The following MYO15A variants were observed in gnomAD, a reference collection of about 807,000 sequenced individuals.
MYO15A encodes myosin XVA.
Under a neutral mutation model 394.6 loss-of-function variants are expected in MYO15A, and 308 were observed. That is an observed-to-expected ratio of 0.78 (90% confidence interval 0.71 to 0.86). The LOEUF (loss-of-function observed/expected upper bound fraction) is 0.86. Among genes scored for constraint, MYO15A ranks in the 40% least tolerant of loss-of-function variants. The pLI is 0.00. For missense variants in MYO15A, 4,606 were observed against 4,799.1 expected (o/e 0.96, Z 1.19); for synonymous variants, 1,957 against 2,003.8 (o/e 0.98, Z 0.62).
Position 18,173,764 on chromosome 17 carries a change from TCTC to T in MYO15A, c.10351-11_10351-9del. The stretch of plus-strand genomic sequence containing the variant: ...CTCGCCCACAGGCCTGTCCGGCCCC[TCTC>T]CTCCTACTCCCAGGAATTGATGGTG... On this transcript the variant is annotated splice_polypyrimidine_tract_variant and intron_variant, in intron 64 of 65. Transcript: ENST00000647165. The T allele has an allele frequency of 6.2e-7, 1 of 1,613,726 alleles. No individual in the cohort carries two copies. The highest frequency in any genetic ancestry group is 1.7e-5 in the Admixed American group (1 of 60,034).
rs191283776 is a variant in MYO15A, at chr17:18,111,967, T to C, written c.-220+3143T>C. 2.5e-3 allele frequency among the ~76,000 whole-genome samples: 374 copies of C among 152,332 alleles called. 3 individuals carry two copies. Among genetic ancestry groups the C allele is most frequent in the African/African-American group, 8.6e-3 (359 of 41,588 alleles). On this transcript the variant is annotated intron_variant, in intron 1 of 65. Coordinates refer to ENST00000647165, the MANE Select transcript of MYO15A (RefSeq NM_016239.4). ...CTGAGCCACTGGGCTCCACGTCCCC[T>C]GGGCTAGAGCTGGGCTTGCCTCTCT...
intron 13 of MYO15A, among the ~76,000 whole-genome samples, chr17:18,136,054 A>G (rs1567639005): frequency 6.6e-6 from 1 of 151,652 alleles, no homozygotes; most frequent in African/African-American, 2.4e-5. Context: ...TTTCACACCT[A>G]CTCATCCTTT....
At chr17:18,141,237 C>A in intron 22 of MYO15A, 94 bp downstream of exon 22, 1 of 1,570,434 alleles carries the variant, frequency 6.4e-7, no homozygotes, top group Non-Finnish European at 8.7e-7. Flanking sequence ...CAGGGCTTGC[C>A]ATGCACAGTT....
chr17:18,127,276 T>C, intron 7 of MYO15A, 111 bp downstream of exon 7: 3 of 1,331,544 alleles, frequency 2.3e-6, no homozygotes, highest in East Asian at 2.5e-5. Flanking sequence ...ATGAGGAGGC[T>C]GAGTTCCAGA....
Position 18,151,251 on chromosome 17 carries a change from G to T in MYO15A, c.7615G>T (p.Ala2539Ser). 6.2e-7 allele frequency: 1 copy of T among 1,614,128 alleles called. No homozygotes were observed. Among genetic ancestry groups the T allele is most frequent in the Non-Finnish European group, 8.5e-7 (1 of 1,180,020 alleles). The part of the protein sequence containing the change: ...APRLPIKPVA[A>S]PVLAQDQASP... Reference sequence around the variant, plus strand: ...AAGGCTCCCCATCAAGCCTGTGGCTGCCCCTGTTCTAGCTCAGGATCAGGC... The same window carrying T: ...AAGGCTCCCCATCAAGCCTGTGGCTTCCCCTGTTCTAGCTCAGGATCAGGC... Residue 2539 changes from alanine (A) to serine (S), a missense_variant, in exon 39 of 66, where the codon GCC becomes TCC. Around this residue, in one of 2 missense-constraint regions of MYO15A, gnomAD observed 2,776 missense variants for 3,109.3 expected, o/e 0.89. Coordinates refer to ENST00000647165, the MANE Select transcript of MYO15A (RefSeq NM_016239.4).
At position 18,114,291 on chromosome 17, in the gene MYO15A, G is replaced by T. The variant is rs138531079; in HGVS notation, c.-219-4291G>T. Among the ~76,000 whole-genome samples, 315 of 82,904 alleles carry T rather than the reference G, an allele frequency of 3.8e-3. 2 individuals carry two copies. Among genetic ancestry groups the T allele is most frequent in the African/African-American group, 0.013 (298 of 23,136 alleles). 54.4% of individuals were successfully genotyped at this position (82,904 alleles called of 152,430 possible). A position where few individuals can be genotyped will look rare whatever the true frequency, so the allele number is the denominator to read the frequency against. ...TTGAGACGGAGTTTTTGCTCTTGTTGCCCAGGCTGGAGTGCAATGGCTTCA... is the reference window on the plus strand; with the variant it reads ...TTGAGACGGAGTTTTTGCTCTTGTTTCCCAGGCTGGAGTGCAATGGCTTCA... On this transcript the variant is annotated intron_variant, in intron 1 of 65. Coordinates refer to ENST00000647165, the MANE Select transcript of MYO15A (RefSeq NM_016239.4).
At chr17:18,175,647 C>CT (rs2047005066) in intron 65 of MYO15A, among the ~76,000 whole-genome samples, 1 of 152,120 alleles carries the variant, frequency 6.6e-6, no homozygotes, top group Admixed American at 6.5e-5. Context: ...CCAGGGCACC[C>CT]TGTCTGATAC....
chr17:18,173,850 A>G lies in MYO15A; in HGVS notation c.10420A>G (p.Ser3474Gly), dbSNP rs150181830. ...GACCCAGCGGCCCACGGCCAACTCC[A>G]GCTACCCCTATGTGGAGATTGCGCT... is the stretch of plus-strand genomic sequence containing the variant. ...TRTQRPTANS[S>G]YPYVEIALGD... Residue 3474 changes from serine to glycine, a missense_variant, in exon 65 of 66, where the codon AGC (serine) becomes GGC (glycine). Ser to Gly is a moderately conservative substitution (Grantham distance 56). This residue lies in a region of MYO15A where 2,776 missense variants were observed against 3,109.3 expected (regional missense o/e 0.89). Transcript: ENST00000647165. The G allele has an allele frequency of 1.7e-4, 280 of 1,613,314 alleles. 2 individuals are homozygous for G. In the East Asian group the frequency reaches 5.4e-3, roughly 31 times the overall value.
chr17:18,127,912 G>A (rs2142287193), intron 7 of MYO15A, among the ~76,000 whole-genome samples: 1 of 150,826 alleles, frequency 6.6e-6, no homozygotes. Flanking sequence ...GGTGAGTTGT[G>A]GAGGAAAAAA....
chr17:18,171,767 T>C lies in MYO15A; in HGVS notation c.10212T>C (p.Phe3404=). 6.2e-7 allele frequency: 1 copy of C among 1,609,134 alleles called. No individual in the cohort carries two copies. The highest frequency in any genetic ancestry group is 8.5e-7 in the Non-Finnish European group (1 of 1,179,822). The change falls in exon 63 of 66, where the codon TTT becomes TTC. Residue 3404 remains phenylalanine (F), a synonymous_variant. Coordinates refer to ENST00000647165, the MANE Select transcript of MYO15A (RefSeq NM_016239.4). ...GCCCCCACCAGGCCCGTGCCCAGTTTCTGGGTAAGAGCTGCAGGGCAGGGG... is the reference window on the plus strand; with the variant it reads ...GCCCCCACCAGGCCCGTGCCCAGTTCCTGGGTAAGAGCTGCAGGGCAGGGG... ...ALSPHQARAQ[F]LGLLSALPMF... is the part of the protein sequence containing the mutation.
At position 18,142,839 on chromosome 17, in the gene MYO15A, A is replaced by G. The variant is rs751569587; in HGVS notation, c.5909A>G (p.Lys1970Arg). The stretch of plus-strand genomic sequence containing the variant: ...TACGTGAGCCGCCGACGCTATCTCA[A>G]GGTATAGGCCCTACCCTATCTGGGT... ...HAYVSRRRYLKLRAEWRCQVE... is the reference protein window; with the variant it reads ...HAYVSRRRYLRLRAEWRCQVE... The change falls in exon 25 of 66, where the codon AAG (lysine) becomes AGG (arginine). Residue 1970 changes from lysine to arginine, a missense_variant and splice_region_variant. By Grantham distance (26) the Lys-to-Arg change is conservative. This residue lies in a region of MYO15A where 2,776 missense variants were observed against 3,109.3 expected (regional missense o/e 0.89). Transcript: ENST00000647165. The G allele has an allele frequency of 3.7e-5, 60 of 1,610,432 alleles. No homozygotes were observed. Among genetic ancestry groups the G allele is most frequent in the Non-Finnish European group, 4.8e-5 (56 of 1,178,638 alleles).
rs2045884316 is a variant in MYO15A, at chr17:18,120,137, A to T, written c.1337A>T (p.Gln446Leu). Residue 446 changes from glutamine to leucine, a missense_variant, in exon 2 of 66, where the codon CAG (glutamine) becomes CTG (leucine). Coordinates refer to ENST00000647165, the MANE Select transcript of MYO15A (RefSeq NM_016239.4). ...EEPEDAGVER[Q>L]GTSFRLPSAA... Reference sequence around the variant, plus strand: ...CCAGAGGACGCGGGCGTAGAGCGTCAGGGGACCTCCTTCCGCCTGCCCAGC... The same window carrying T: ...CCAGAGGACGCGGGCGTAGAGCGTCTGGGGACCTCCTTCCGCCTGCCCAGC... The T allele has an allele frequency of 1.2e-6, 2 of 1,612,940 alleles. No homozygotes were observed.
chr17:18,154,041 G>C (rs2046632037), intron 43 of MYO15A, 90 bp from the exon 44 acceptor site: 1 of 1,603,384 alleles, frequency 6.2e-7, no homozygotes, highest in South Asian at 1.1e-5. Flanking sequence ...GGTTACAGCC[G>C]GGGCGGAACT....
intron 1 of MYO15A, among the ~76,000 whole-genome samples, chr17:18,115,706 C>T (rs2045775357): frequency 1.3e-5 from 2 of 152,282 alleles, no homozygotes; most frequent in African/African-American, 4.8e-5. Flanking sequence ...CGAAGCCAAG[C>T]CCTCATTGTG....
Position 18,119,824 on chromosome 17 carries a change from T to G in MYO15A, c.1024T>G (p.Tyr342Asp), listed in dbSNP as rs1347711107. The G allele has an allele frequency of 6.2e-7, 1 of 1,613,072 alleles. No homozygotes were observed. Among genetic ancestry groups the G allele is most frequent in the South Asian group, 1.1e-5 (1 of 91,086 alleles). Residue 342 changes from tyrosine (Y) to aspartate (D), a missense_variant, in exon 2 of 66, where the codon TAC becomes GAC. By Grantham distance (160) the Tyr-to-Asp change is radical. Coordinates refer to ENST00000647165, the MANE Select transcript of MYO15A (RefSeq NM_016239.4). ...YEGEAHPYGY[Y>D]LDPYAPYDAP... is the part of the protein sequence containing the mutation. Reference sequence around the variant, plus strand: ...GGGCGAGGCGCACCCTTATGGCTACTACCTGGATCCCTATGCGCCGTACGA... The same window carrying G: ...GGGCGAGGCGCACCCTTATGGCTACGACCTGGATCCCTATGCGCCGTACGA...
At position 18,138,849 on chromosome 17, in the gene MYO15A, T is replaced by G. The variant is rs1362374359; in HGVS notation, c.5046T>G (p.His1682Gln). 2 of 1,613,844 alleles carry G rather than the reference T, an allele frequency of 1.2e-6. No homozygotes were observed. Among genetic ancestry groups the G allele is most frequent in the East Asian group, 4.5e-5 (2 of 44,878 alleles). The change falls in exon 18 of 66, where the codon CAT becomes CAG. Residue 1682 changes from histidine to glutamine, a missense_variant. Around this residue, in one of 2 missense-constraint regions of MYO15A, gnomAD observed 2,776 missense variants for 3,109.3 expected, o/e 0.89. Transcript: ENST00000647165. ...DHTFLQKCHY[H>Q]HGANPLYSKP... The stretch of plus-strand genomic sequence containing the variant: ...CCTTCCTACAGAAGTGCCACTACCA[T>G]CATGGCGCCAACCCGCTCTATTCCA...
At chr17:18,157,931 G>GGGGGGGGC in intron 51 of MYO15A, 31 bp downstream of exon 51, 15 of 412,704 alleles carry the variant, frequency 3.6e-5, no homozygotes, top group Non-Finnish European at 6.7e-5. Flanking sequence ...GTGGGGCGGG[G>GGGGGGGGC]TAGACCAGGG....
rs768057289 is a variant in MYO15A at position 18,135,807 on chromosome 17, A to G, written c.4579A>G (p.Ile1527Val). 6.2e-6 allele frequency: 10 copies of G among 1,613,954 alleles called. No homozygotes were observed. The highest frequency in any genetic ancestry group is 3.3e-4 in the Middle Eastern group (2 of 6,058). ...QISPEGLQKA[I>V]TFKVTETMRE... Reference sequence around the variant, plus strand: ...CTCCCCTGAGGGCCTGCAGAAGGCCATCACCTTCAAAGTGACCGTGAGTCT... The same window carrying G: ...CTCCCCTGAGGGCCTGCAGAAGGCCGTCACCTTCAAAGTGACCGTGAGTCT... The change falls in exon 13 of 66, where the codon ATC (isoleucine) becomes GTC (valine). Residue 1527 changes from isoleucine (I) to valine (V), a missense_variant. Physicochemically the swap from Ile to Val is conservative, Grantham distance 29. Coordinates refer to ENST00000647165, the MANE Select transcript of MYO15A (RefSeq NM_016239.4).
chr17:18,144,131 G>C (rs941761165), intron 28 of MYO15A, 131 bp downstream of exon 28: 1 of 1,438,318 alleles, frequency 7.0e-7, no homozygotes. Flanking sequence ...TTAGTTGCTG[G>C]ATCATAGGGA....
Sources: allele counts gnomAD v4.1 joint callset (sites outside exome capture counted in the v4.1 genomes callset), GRCh38; gene constraint gnomAD v4.1.1; regional missense constraint gnomAD v4.1.1; transcripts MANE v1.5; gene names NCBI Gene and HGNC (gene_info 2026-07-23, HGNC 2026-07-21).